Variants in USP42 observed in about 807,000 individuals in gnomAD.
The protein encoded by USP42 is ubiquitin carboxyl-terminal hydrolase 42.
Under a neutral mutation model 113.0 loss-of-function variants are expected in USP42, and 23 were observed. That is an observed-to-expected ratio of 0.20 (90% confidence interval 0.15 to 0.29). USP42 has a LOEUF of 0.29. Among genes scored for constraint, USP42 ranks in the 10% least tolerant of loss-of-function variants. The probability of loss-of-function intolerance (pLI) is 1.00; values close to 1 mark genes in which losing one functional copy is unlikely to be tolerated. For missense variants in USP42, 2,174 were observed against 1,779.8 expected, an observed-to-expected ratio of 1.22 and a Z score of -3.99; for synonymous variants, 933 against 699.0, an observed-to-expected ratio of 1.33 and a Z score of -5.28.
intron 7 of USP42, among the ~76,000 whole-genome samples, chr7:6,141,328 G>A (rs1006249266): frequency 5.5e-5 from 8 of 145,228 alleles, no homozygotes; most frequent in African/African-American, 1.8e-4. Context: ...TCAGCCTCCC[G>A]AGTAGGTGGG....
chr7:6,090,480 C>A, the USP42 span, among the ~76,000 whole-genome samples: 1 of 145,970 alleles, frequency 6.9e-6, no homozygotes. Context: ...TTTGGGAGGC[C>A]AAGGCAGGTG....
chr7:6,093,168 T>C, the USP42 span: 3 of 133,110 alleles, frequency 2.3e-5, no homozygotes, highest in Non-Finnish European at 3.2e-5. Flanking sequence ...TCCCTTCCCT[T>C]CCTTCCCTCC....
At chr7:6,131,290 A>C (rs1285565146) in intron 3 of USP42, among the ~76,000 whole-genome samples, 1 of 152,064 alleles carries the variant, frequency 6.6e-6, no homozygotes, top group Non-Finnish European at 1.5e-5. Flanking sequence ...AGCCTGGCCA[A>C]CATGGTGAAA....
In USP42 at chr7:6,140,979, A is replaced by C. The variant is rs1351546435; in HGVS notation, c.790A>C (p.Ile264Leu). ...TCCATATCTTGATATAACATTGGAG[A>C]TAAAGGTAAATTTCATAATTATGGG... ...FDPYLDITLE[I>L]KAAQSVNKAL... is the part of the protein sequence containing the mutation. The change falls in exon 7 of 18, where the codon ATA becomes CTA. Residue 264 changes from isoleucine to leucine, a missense_variant. Ile to Leu is a conservative substitution (Grantham distance 5). Transcript: ENST00000306177. 3 of 1,498,006 alleles carry C rather than the reference A, an allele frequency of 2.0e-6. No individual in the cohort carries two copies. In the Admixed American group the frequency reaches 6.0e-5, roughly 30 times the overall value. The allele number at this position is 1,498,006 out of a possible 1,614,324, so 92.8% of individuals were successfully genotyped here.
the USP42 span, chr7:6,084,720 CTT>C: frequency 1.7e-4 from 24 of 139,844 alleles, no homozygotes; most frequent in East Asian, 8.2e-4. Flanking sequence ...CGCAAGGACT[CTT>C]TTTTTTTTTT....
In USP42 at chr7:6,157,572, G is replaced by A. The variant is rs548269043; in HGVS notation, c.3943+517G>A. Among the ~76,000 whole-genome samples, 22 of 152,146 alleles carry A rather than the reference G, an allele frequency of 1.4e-4. No homozygotes were observed. The East Asian group carries it at 3.5e-3, about 24-fold the overall frequency. On this transcript the variant is annotated intron_variant, in intron 16 of 17. Transcript: ENST00000306177. This position sits in a 1 kb window ranked among gnomAD's most constrained non-coding sequence, Gnocchi z 4.1. ...GCCACCACGCCCGGCTAAATTTTGT[G>A]TTTTTAGTAGAGACGGTGTTTCACC...
rs375308599 is a variant in USP42, at chr7:6,154,023, C to T, written c.2469C>T (p.Ser823=). 86 of 1,604,420 alleles carry T rather than the reference C, an allele frequency of 5.4e-5. No homozygotes were observed. In the Middle Eastern group the frequency reaches 1.2e-3, roughly 21 times the overall value. The part of the protein sequence containing the change: ...TAPPDLCDPG[S]LTGDASPLSQ... The stretch of plus-strand genomic sequence containing the variant: ...CCCCTGACCTGTGTGATCCCGGGAG[C>T]TTAACAGGCGATGCGAGCCCGTTGT... The change falls in exon 15 of 18, where the codon AGC becomes AGT. Residue 823 remains serine (S), a synonymous_variant. Coordinates refer to ENST00000306177, the MANE Select transcript of USP42 (RefSeq NM_032172.3).
chr7:6,102,729 G>A (rs1790165416), upstream of USP42, among the ~76,000 whole-genome samples: 1 of 150,906 alleles, frequency 6.6e-6, no homozygotes, highest in Non-Finnish European at 1.5e-5. Context: ...TGGAATTGAG[G>A]AGTGTGTTAT....
chr7:6,156,047 T>C (rs764026059), intron 15 of USP42, among the ~76,000 whole-genome samples: 1 of 152,202 alleles, frequency 6.6e-6, no homozygotes. Context: ...GGCCTGTTTT[T>C]GTATTTTTAA....
the USP42 span, among the ~76,000 whole-genome samples, chr7:6,096,348 C>T: frequency 6.6e-6 from 1 of 151,068 alleles, no homozygotes. Flanking sequence ...GGGAAAGTGA[C>T]AGTAGGGTTT....
chr7:6,147,082 TG>T (rs777003330), intron 11 of USP42, among the ~76,000 whole-genome samples: 18 of 152,246 alleles, frequency 1.2e-4, no homozygotes, highest in Non-Finnish European at 1.6e-4. Flanking sequence ...AATGTCCAAC[TG>T]GCAGAATGCT....
chr7:6,150,006 C>T lies in USP42; in HGVS notation c.1810C>T (p.Leu604=). 1 of 1,613,476 alleles carries T rather than the reference C, an allele frequency of 6.2e-7. No homozygotes were observed. Among genetic ancestry groups the T allele is most frequent in the Non-Finnish European group, 8.5e-7 (1 of 1,179,668 alleles). ...NGKSKLNSSV[L]VPYGAESSED... ...CAAATCCAAGCTGAACTCCAGCGTG[C>T]TGGTGCCCTATGGCGCCGAGTCCTC... The change falls in exon 13 of 18, where the codon CTG becomes TTG. Residue 604 remains leucine, a synonymous_variant. Transcript: ENST00000306177.
intron 11 of USP42, among the ~76,000 whole-genome samples, chr7:6,146,727 C>A (rs759879389): frequency 6.6e-6 from 1 of 152,142 alleles, no homozygotes; most frequent in Admixed American, 6.5e-5. Flanking sequence ...AGTGTCTGAG[C>A]GGGATGATGA....
chr7:6,140,654 G>A (rs1781381802), intron 6 of USP42, among the ~76,000 whole-genome samples: 3 of 152,156 alleles, frequency 2.0e-5, no homozygotes, highest in African/African-American at 7.2e-5. Flanking sequence ...AGTGTGTATT[G>A]TAAATTTTAA....
At chr7:6,083,514 C>T in the USP42 span, among the ~76,000 whole-genome samples, 1 of 150,426 alleles carries the variant, frequency 6.6e-6, no homozygotes, top group Admixed American at 6.6e-5. Context: ...CCTCGGCCTC[C>T]CAAAGTGCTG....
Position 6,154,014 on chromosome 7 carries a change from T to A in USP42, c.2460T>A (p.Asp820Glu). ...ACACAGCACCCCCTGACCTGTGTGA[T>A]CCCGGGAGCTTAACAGGCGATGCGA... ...VGDTAPPDLC[D>E]PGSLTGDASP... Residue 820 changes from aspartate (D) to glutamate (E), a missense_variant, in exon 15 of 18, where the codon GAT (aspartate) becomes GAA (glutamate). Physicochemically the swap from Asp to Glu is conservative, Grantham distance 45. Transcript: ENST00000306177. 1 of 1,604,004 alleles carries A rather than the reference T, an allele frequency of 6.2e-7. No individual in the cohort carries two copies.
At position 6,144,081 on chromosome 7, in the gene USP42, C is replaced by T. The variant is rs369602106; in HGVS notation, c.879-4C>T. 1.3e-5 allele frequency: 20 copies of T among 1,538,116 alleles called. No homozygotes were observed. In the African/African-American group the frequency reaches 2.7e-4, roughly 21 times the overall value. On this transcript the variant is annotated splice_region_variant and splice_polypyrimidine_tract_variant and intron_variant, in intron 8 of 17. Coordinates refer to ENST00000306177, the MANE Select transcript of USP42 (RefSeq NM_032172.3). ...CTTATACTTTTGTTTCTGTTTGTTTCAAGGTGTAAAAAGATGGTTCCAGCT... is the reference window on the plus strand; with the variant it reads ...CTTATACTTTTGTTTCTGTTTGTTTTAAGGTGTAAAAAGATGGTTCCAGCT...
Position 6,153,965 on chromosome 7 carries a change from G to C in USP42, c.2411G>C (p.Ser804Thr). The C allele has an allele frequency of 6.3e-7, 1 of 1,596,004 alleles. No homozygotes were observed. Among genetic ancestry groups the C allele is most frequent in the African/African-American group, 1.3e-5 (1 of 74,698 alleles). The change falls in exon 15 of 18, where the codon AGC becomes ACC. Residue 804 changes from serine to threonine, a missense_variant. Physicochemically the swap from Ser to Thr is moderately conservative, Grantham distance 58 (BLOSUM62 1). Coordinates refer to ENST00000306177, the MANE Select transcript of USP42 (RefSeq NM_032172.3). Reference protein sequence around the residue: ...MAVAPEEPPPSAGEDIVGDTA... With the variant: ...MAVAPEEPPPTAGEDIVGDTA... ...GTCGCCCCCGAGGAGCCTCCGCCCA[G>C]CGCCGGCGAGGACATCGTGGGGGAC...
the USP42 span, among the ~76,000 whole-genome samples, chr7:6,089,973 C>A: frequency 6.6e-6 from 1 of 150,606 alleles, no homozygotes; most frequent in Non-Finnish European, 1.5e-5. Flanking sequence ...TGCACTCCAG[C>A]CTGGGCGACA....
Sources: allele counts gnomAD v4.1 joint callset (sites outside exome capture counted in the v4.1 genomes callset), GRCh38; gene constraint gnomAD v4.1.1; non-coding constraint Gnocchi (gnomAD v3.1); transcripts MANE v1.5; gene names NCBI Gene and HGNC (gene_info 2026-07-23, HGNC 2026-07-21).